The following ATP8A2 variants were observed in gnomAD, a reference collection of about 807,000 sequenced individuals.
ATP8A2 encodes phospholipid-transporting ATPase IB.
A neutral mutation model predicts 165.6 loss-of-function variants in ATP8A2; 100 were observed. That is an observed-to-expected ratio of 0.60 (90% CI 0.51 to 0.71). The LOEUF is 0.71. ATP8A2 is among the 30% of genes least tolerant of loss of function. The probability of loss-of-function intolerance (pLI) is 0.00; values close to 1 mark genes in which losing one functional copy is unlikely to be tolerated. For missense variants in ATP8A2, 1,227 were observed against 1,479.5 expected (o/e 0.83, Z 2.80); for synonymous variants, 543 against 548.8 (o/e 0.99, Z 0.15).
In ATP8A2 at chr13:25,860,822, T is replaced by G. The variant is rs772744596; in HGVS notation, c.3037T>G (p.Cys1013Gly). The change falls in exon 32 of 37, where the codon TGT becomes GGT. Residue 1013 changes from cysteine to glycine, a missense_variant. Cys to Gly is a radical substitution (Grantham distance 159). Coordinates refer to ENST00000381655, the MANE Select transcript of ATP8A2 (RefSeq NM_016529.6). Reference protein sequence around the residue: ...IVYTYVVVTVCLKAGLETTAW... With the variant: ...IVYTYVVVTVGLKAGLETTAW... ...TTCACAGTATGTTGTTGTTACTGTT[T>G]GTCTGAAAGCTGGTTTGGAGACCAC... 1.1e-5 allele frequency: 17 copies of G among 1,598,144 alleles called. No individual in the cohort carries two copies. The highest frequency in any genetic ancestry group is 1.5e-5 in the Non-Finnish European group (17 of 1,170,266).
chr13:25,916,539 C>T (rs760835334), intron 33 of ATP8A2, among the ~76,000 whole-genome samples: 7 of 152,276 alleles, frequency 4.6e-5, no homozygotes, highest in South Asian at 2.1e-4. Flanking sequence ...AGAATCTTGT[C>T]GATTGCACTG....
At chr13:25,757,503 A>ATGTGTGTGTGTG (rs113178441) in intron 25 of ATP8A2, among the ~76,000 whole-genome samples, 2 of 150,544 alleles carry the variant, frequency 1.3e-5, no homozygotes, top group Admixed American at 6.6e-5. Context: ...ACGATATACT[A>ATGTGTGTGTGTG]TGTGTGTGTG....
chr13:25,840,012 T>C (rs1279502614), intron 30 of ATP8A2, among the ~76,000 whole-genome samples: 1 of 152,224 alleles, frequency 6.6e-6, no homozygotes, highest in African/African-American at 2.4e-5. Flanking sequence ...CCTACCCATA[T>C]GCAGAATAAC....
chr13:25,480,289 C>T lies in ATP8A2; in HGVS notation c.221+11168C>T, dbSNP rs372147400. The stretch of plus-strand genomic sequence containing the variant: ...CTCCCGGACGGGGCGGCTGGCCGGG[C>T]GGGGGGCTGACCCCCACCTCCCTCC... On this transcript the variant is annotated intron_variant, in intron 2 of 36. Transcript: ENST00000381655. Among the ~76,000 whole-genome samples the T allele has an allele frequency of 3.2e-4, 46 of 145,352 alleles. No individual in the cohort carries two copies. In the East Asian group the frequency reaches 7.4e-3, roughly 23 times the overall value.
intron 25 of ATP8A2, among the ~76,000 whole-genome samples, chr13:25,704,147 G>A (rs1367861462): frequency 6.6e-6 from 1 of 152,044 alleles, no homozygotes; most frequent in African/African-American, 2.4e-5. Flanking sequence ...CTGATTCCCA[G>A]GCCCTTCCTC....
chr13:25,455,998 A>G (rs1194173651), intron 1 of ATP8A2, among the ~76,000 whole-genome samples: 1 of 152,096 alleles, frequency 6.6e-6, no homozygotes, highest in Non-Finnish European at 1.5e-5. Flanking sequence ...TTGTGTGTCT[A>G]TCTGGCTATG....
At chr13:25,862,188 G>T (rs1262677308) in intron 32 of ATP8A2, 113 bp from the exon 33 acceptor site, 1 of 699,410 alleles carries the variant, frequency 1.4e-6, no homozygotes, top group African/African-American at 1.8e-5. Flanking sequence ...AGTCATCAAA[G>T]TCTTTCCATA....
At chr13:25,525,533 G>A (rs576624646) in intron 2 of ATP8A2, among the ~76,000 whole-genome samples, 6 of 152,236 alleles carry the variant, frequency 3.9e-5, no homozygotes, top group Non-Finnish European at 7.4e-5. Flanking sequence ...TTCTGGGAAA[G>A]CCTTTATTTC....
rs138491639 is a variant in ATP8A2, at chr13:25,861,809, A to G, written c.3076-492A>G. Among the ~76,000 whole-genome samples, 363 of 152,374 alleles carry G rather than the reference A, an allele frequency of 2.4e-3. 1 individual carries two copies. Among genetic ancestry groups the G allele is most frequent in the African/African-American group, 8.4e-3 (350 of 41,596 alleles). On this transcript the variant is annotated intron_variant, in intron 32 of 36. Transcript: ENST00000381655. Reference sequence around the variant, plus strand: ...AAGAAGAAAAAATGAACAACGCAGTAGATGCTTAAAGGGGCATTGTTAAGA... The same window carrying G: ...AAGAAGAAAAAATGAACAACGCAGTGGATGCTTAAAGGGGCATTGTTAAGA...
At chr13:25,458,550 G>A (rs2035423275) in intron 1 of ATP8A2, among the ~76,000 whole-genome samples, 1 of 152,222 alleles carries the variant, frequency 6.6e-6, no homozygotes, top group African/African-American at 2.4e-5. Context: ...TGCAATTCCA[G>A]CCACTATAAT....
chr13:25,940,312 C>T (rs946836823), intron 33 of ATP8A2, among the ~76,000 whole-genome samples: 4 of 152,300 alleles, frequency 2.6e-5, no homozygotes, highest in East Asian at 1.9e-4. Context: ...CTCCCATCTC[C>T]GAGTTAAGAC....
chr13:25,775,700 G>A (rs1415952654), intron 27 of ATP8A2, among the ~76,000 whole-genome samples: 1 of 152,168 alleles, frequency 6.6e-6, no homozygotes, highest in Non-Finnish European at 1.5e-5. Context: ...AGGCCATCAT[G>A]ACTAATCGTT....
rs2039728262 is a variant in ATP8A2 at position 25,579,961 on chromosome 13, A to G, written c.2007+14A>G. Reference sequence around the variant, plus strand: ...ATCATTGAGAAGGTAACCGCACACAATACAGTCTTTTCAGCTCCATGAAGG... The same window carrying G: ...ATCATTGAGAAGGTAACCGCACACAGTACAGTCTTTTCAGCTCCATGAAGG... On this transcript the variant is annotated intron_variant, in intron 22 of 36. Coordinates refer to ENST00000381655, the MANE Select transcript of ATP8A2 (RefSeq NM_016529.6). 3 of 1,613,210 alleles carry G rather than the reference A, an allele frequency of 1.9e-6. No individual in the cohort carries two copies. Among genetic ancestry groups the G allele is most frequent in the African/African-American group, 2.7e-5 (2 of 74,898 alleles).
chr13:25,683,868 A>G (rs930552052), intron 24 of ATP8A2, among the ~76,000 whole-genome samples: 5 of 152,132 alleles, frequency 3.3e-5, no homozygotes, highest in African/African-American at 1.2e-4. Context: ...ATGTCCTGGC[A>G]TATCTTTTTT....
chr13:25,601,890 ATGAG>A (rs2040397802), intron 24 of ATP8A2, among the ~76,000 whole-genome samples: 1 of 152,244 alleles, frequency 6.6e-6, no homozygotes, highest in African/African-American at 2.4e-5. Flanking sequence ...GTGCTTTTTC[ATGAG>A]TGCCTAGCAC....
chr13:25,946,165 T>C (rs1271052969), intron 33 of ATP8A2, among the ~76,000 whole-genome samples: 1 of 152,170 alleles, frequency 6.6e-6, no homozygotes, highest in Non-Finnish European at 1.5e-5. Flanking sequence ...CAGGTCTGTC[T>C]GAATCCCGAG....
At chr13:25,757,657 T>G (rs141031439) in intron 25 of ATP8A2, among the ~76,000 whole-genome samples, 201 of 152,260 alleles carry the variant, frequency 1.3e-3, no homozygotes, top group African/African-American at 4.8e-3. Context: ...TGAGTGTAAT[T>G]GTAAGGCACA....
At chr13:25,844,480 C>T (rs1007837767) in intron 30 of ATP8A2, among the ~76,000 whole-genome samples, 2 of 152,156 alleles carry the variant, frequency 1.3e-5, no homozygotes, top group African/African-American at 2.4e-5. Flanking sequence ...CTGCCCACCT[C>T]GGCTTCCCAA....
intron 33 of ATP8A2, among the ~76,000 whole-genome samples, chr13:25,939,163 C>G (rs938374700): frequency 1.3e-5 from 2 of 152,052 alleles, no homozygotes; most frequent in East Asian, 3.9e-4. Context: ...CTTTGATTGC[C>G]TCATGGGAAC....
Sources: gnomAD v4.1 joint callset for allele counts (sites outside exome capture counted in the v4.1 genomes callset) on GRCh38, gnomAD v4.1.1 for gene constraint, MANE v1.5 for transcripts, NCBI Gene and HGNC (gene_info 2026-07-23, HGNC 2026-07-21) for gene names.